The following NEBL variants were observed in gnomAD, a reference collection of about 807,000 sequenced individuals.
NEBL encodes the protein LIM and SH3 protein 2.
Under a neutral mutation model 140.2 loss-of-function variants are expected in NEBL, and 122 were observed. That is an observed-to-expected ratio of 0.87 (90% confidence interval 0.75 to 1.01). The LOEUF is 1.01. Ranked by LOEUF, NEBL falls within the 50% of genes least tolerant of loss-of-function variation. The pLI, the probability that NEBL is intolerant of heterozygous loss-of-function variation, is 0.00. For synonymous variants in NEBL, 436 were observed against 398.9 expected, an observed-to-expected ratio of 1.09 and a Z score of -1.11; for missense variants, 1,365 against 1,231.3, an observed-to-expected ratio of 1.11 and a Z score of -1.62.
At chr10:20,853,680 C>T (rs769862174) in intron 9 of NEBL, among the ~76,000 whole-genome samples, 1 of 152,094 alleles carries the variant, frequency 6.6e-6, no homozygotes, top group African/African-American at 2.4e-5. Context: ...CCCAGCTACT[C>T]GGGAGGCTGA....
chr10:20,842,768 G>C (rs1381974329), intron 12 of NEBL, among the ~76,000 whole-genome samples: 1 of 151,826 alleles, frequency 6.6e-6, no homozygotes, highest in Non-Finnish European at 1.5e-5. Flanking sequence ...CAATTTTGAA[G>C]TGCACTATAT....
intron 4 of NEBL, among the ~76,000 whole-genome samples, chr10:20,949,869 G>C (rs906860728): frequency 1.3e-5 from 2 of 152,114 alleles, no homozygotes; most frequent in Non-Finnish European, 2.9e-5. Flanking sequence ...AAAGAAAACA[G>C]ACATACAGAA....
At chr10:21,192,832 C>CAA (rs75720730) in intron 3 of NEBL, among the ~76,000 whole-genome samples, 11 of 91,830 alleles carry the variant, frequency 1.2e-4, no homozygotes, top group East Asian at 3.0e-4. Flanking sequence ...TGACAGGCCT[C>CAA]AAAAAAAAAA....
At chr10:21,037,501 T>C (rs1281061094) in intron 2 of NEBL, among the ~76,000 whole-genome samples, 2 of 151,922 alleles carry the variant, frequency 1.3e-5, no homozygotes, top group East Asian at 1.9e-4. Context: ...AATAAAAATA[T>C]ATGTGTTGAA....
At chr10:20,997,153 T>C (rs928715688) in intron 3 of NEBL, among the ~76,000 whole-genome samples, 5 of 152,222 alleles carry the variant, frequency 3.3e-5, no homozygotes, top group Admixed American at 6.5e-5. Flanking sequence ...CCTTAAATAA[T>C]AGCCAAACTC....
intron 2 of NEBL, among the ~76,000 whole-genome samples, chr10:21,072,764 G>C (rs1835878969): frequency 6.6e-6 from 1 of 152,200 alleles, no homozygotes; most frequent in Non-Finnish European, 1.5e-5. Flanking sequence ...GCTGAGGCCG[G>C]TGGATAACTT....
intron 2 of NEBL, among the ~76,000 whole-genome samples, chr10:21,032,163 A>G (rs1283812287): frequency 1.3e-5 from 2 of 152,230 alleles, no homozygotes; most frequent in Admixed American, 1.3e-4. Flanking sequence ...ACATTAGTGC[A>G]ACAATTCTAC....
At chr10:21,042,753 C>T (rs495866) in intron 2 of NEBL, among the ~76,000 whole-genome samples, 74,189 of 152,088 alleles carry the variant, frequency 0.49, 20,400 homozygotes, top group Non-Finnish European at 0.61. Flanking sequence ...ACCAGCAAAC[C>T]TCTGGATTCT....
intron 2 of NEBL, among the ~76,000 whole-genome samples, chr10:21,105,035 T>C (rs1307614351): frequency 6.6e-6 from 1 of 152,202 alleles, no homozygotes; most frequent in African/African-American, 2.4e-5. Context: ...TTGATCTTTT[T>C]TAAGGTTATG....
rs1035435649 is a variant in NEBL at position 21,185,745 on chromosome 10, G to A, written n.349-13268C>T. ...CTCCTGACCTCAGTTGATCCACCTCGCCTCAGCCTCCCAAAGTGTTGGGAT... is the reference window on the plus strand; with the variant it reads ...CTCCTGACCTCAGTTGATCCACCTCACCTCAGCCTCCCAAAGTGTTGGGAT... On this transcript the variant is annotated intron_variant and non_coding_transcript_variant, in intron 3 of 8. Transcript: ENST00000675702. Among the ~76,000 whole-genome samples, 18 of 151,968 alleles carry A rather than the reference G, an allele frequency of 1.2e-4. No homozygotes were observed. The South Asian group carries it at 1.7e-3, about 14-fold the overall frequency.
Position 20,869,746 on chromosome 10 carries a change from T to C in NEBL, c.576A>G (p.Ile192Met). Residue 192 changes from isoleucine to methionine, a missense_variant, in exon 6 of 28, where the codon ATA becomes ATG. By Grantham distance (10) the Ile-to-Met change is conservative. Coordinates refer to ENST00000377122, the MANE Select transcript of NEBL (RefSeq NM_006393.3). ...IKMATQISKI[I>M]SNAEYKKGQG... ...GTTTAGAAAGAGAAGTTACATTGCT[T>C]ATGATCTTAGAGATCTGGGTTGCCA... 6.2e-7 allele frequency: 1 copy of C among 1,604,634 alleles called. No homozygotes were observed. Among genetic ancestry groups the C allele is most frequent in the Non-Finnish European group, 8.5e-7 (1 of 1,171,436 alleles).
chr10:21,228,188 G>A (rs766618054), intron 3 of NEBL, among the ~76,000 whole-genome samples: 4 of 151,440 alleles, frequency 2.6e-5, no homozygotes. Flanking sequence ...GGATCTCACT[G>A]TGTCACCCAG....
intron 2 of NEBL, among the ~76,000 whole-genome samples, chr10:21,125,384 C>A (rs1838776210): frequency 6.6e-6 from 1 of 152,144 alleles, no homozygotes; most frequent in South Asian, 2.1e-4. Flanking sequence ...GTTTAAAAGT[C>A]TTCCAAACAA....
At chr10:20,813,257 T>TA (rs1214097484) in intron 23 of NEBL, among the ~76,000 whole-genome samples, 2 of 151,614 alleles carry the variant, frequency 1.3e-5, no homozygotes, top group Non-Finnish European at 2.9e-5. Context: ...TAAAATATAC[T>TA]AATTTAAATA....
At chr10:20,858,754 G>A (rs1011878395) in intron 8 of NEBL, among the ~76,000 whole-genome samples, 1 of 152,070 alleles carries the variant, frequency 6.6e-6, no homozygotes, top group African/African-American at 2.4e-5. Context: ...GCAACTTTTT[G>A]AAAATATAAT....
chr10:21,172,035 T>C, intron 2 of NEBL: 1 of 302,094 alleles, frequency 3.3e-6, no homozygotes, highest in South Asian at 3.7e-5. Flanking sequence ...AAAATGGAAA[T>C]TGACACAGGA....
chr10:21,062,678 T>C (rs924735073), intron 2 of NEBL, among the ~76,000 whole-genome samples: 10 of 151,300 alleles, frequency 6.6e-5, no homozygotes, highest in Admixed American at 2.0e-4. Flanking sequence ...CAGAGTGAGA[T>C]CCTGTCTCTA....
intron 2 of NEBL, among the ~76,000 whole-genome samples, chr10:21,250,389 A>G (rs1357278194): frequency 6.6e-6 from 1 of 152,180 alleles, no homozygotes; most frequent in Non-Finnish European, 1.5e-5. Flanking sequence ...CAAGGTCTTC[A>G]GCTTTGGGAC....
At chr10:21,150,170 A>G (rs1840082285) in intron 2 of NEBL, among the ~76,000 whole-genome samples, 1 of 152,348 alleles carries the variant, frequency 6.6e-6, no homozygotes, top group South Asian at 2.1e-4. Context: ...AATTATTTAC[A>G]AAATAAATAA....
Sources: allele counts gnomAD v4.1 joint callset (sites outside exome capture counted in the v4.1 genomes callset), GRCh38; gene constraint gnomAD v4.1.1; transcripts MANE v1.5; gene names NCBI Gene and HGNC (gene_info 2026-07-23, HGNC 2026-07-21).